Variants in GSTCD observed in about 807,000 individuals in gnomAD.
GSTCD encodes glutathione S-transferase C-terminal domain containing, also known as glutathione S-transferase C-terminal domain-containing protein.
Under a neutral mutation model 68.3 loss-of-function variants are expected in GSTCD, and 44 were observed. That is an observed-to-expected ratio of 0.64 (90% CI 0.51 to 0.83). The LOEUF (loss-of-function observed/expected upper bound fraction) is 0.83. Among genes scored for constraint, GSTCD ranks in the 40% least tolerant of loss-of-function variants. The probability of loss-of-function intolerance (pLI) is 0.00; values close to 1 mark genes in which losing one functional copy is unlikely to be tolerated. For synonymous variants in GSTCD, 273 were observed against 255.2 expected (o/e 1.07, Z -0.67); for missense variants, 739 against 735.9 (o/e 1.00, Z -0.05).
At position 105,846,348 on chromosome 4, in the gene GSTCD, A is replaced by G. The variant is rs919489133; in HGVS notation, c.*771A>G. The G allele has an allele frequency of 6.6e-6, 1 of 151,714 alleles. No homozygotes were observed. Among genetic ancestry groups the G allele is most frequent in the Non-Finnish European group, 1.5e-5 (1 of 68,038 alleles). 9.4% of individuals were successfully genotyped at this position (151,714 alleles called of 1,614,324 possible). On this transcript the variant is annotated 3_prime_UTR_variant, in exon 12 of 12. Transcript: ENST00000515279. ...CCTGGGAAAATGAGACCCAGACTCA[A>G]AATAAATCAATGAATGAATTAATAA...
At chr4:105,743,949 A>G (rs1348821203) in intron 5 of GSTCD, among the ~76,000 whole-genome samples, 2 of 152,168 alleles carry the variant, frequency 1.3e-5, no homozygotes, top group Non-Finnish European at 2.9e-5. Flanking sequence ...GTGAGCCACC[A>G]TGCCTCGCCA....
intron 9 of GSTCD, among the ~76,000 whole-genome samples, chr4:105,835,993 G>A (rs573199683): frequency 1.5e-4 from 23 of 152,152 alleles, no homozygotes; most frequent in African/African-American, 3.9e-4. Flanking sequence ...AAGGAGACCC[G>A]CAGTGGGTAG....
intron 5 of GSTCD, among the ~76,000 whole-genome samples, chr4:105,813,547 C>G (rs1382784086): frequency 1.3e-5 from 2 of 152,192 alleles, no homozygotes; most frequent in Admixed American, 6.5e-5. Flanking sequence ...TCCTTATGTA[C>G]TTGCAAATTT....
chr4:105,756,315 G>A (rs1734187938), intron 5 of GSTCD, among the ~76,000 whole-genome samples: 1 of 151,980 alleles, frequency 6.6e-6, no homozygotes, highest in South Asian at 2.1e-4. Context: ...TCCAGAGAAT[G>A]GGAGCTGAGT....
intron 8 of GSTCD, among the ~76,000 whole-genome samples, chr4:105,829,061 T>A (rs1723787688): frequency 6.6e-6 from 1 of 151,950 alleles, no homozygotes; most frequent in African/African-American, 2.4e-5. Context: ...TCCCTACCCA[T>A]CTGCCTTCTA....
chr4:105,786,956 A>T (rs1193878582), intron 5 of GSTCD, among the ~76,000 whole-genome samples: 2 of 152,078 alleles, frequency 1.3e-5, no homozygotes, highest in Non-Finnish European at 2.9e-5. Context: ...CTTAAACATG[A>T]TAATATGACT....
intron 5 of GSTCD, among the ~76,000 whole-genome samples, chr4:105,745,606 G>A (rs540980865): frequency 2.2e-4 from 34 of 152,180 alleles, no homozygotes; most frequent in Non-Finnish European, 4.6e-4. Flanking sequence ...GAGTATAAAA[G>A]AGGGTTATGT....
At chr4:105,813,993 C>T (rs973267661) in intron 5 of GSTCD, among the ~76,000 whole-genome samples, 2 of 152,092 alleles carry the variant, frequency 1.3e-5, no homozygotes, top group Non-Finnish European at 2.9e-5. Context: ...ATAATAAGTG[C>T]TTTAAAAAAA....
intron 8 of GSTCD, among the ~76,000 whole-genome samples, chr4:105,832,628 T>C (rs1578520907): frequency 6.6e-6 from 1 of 152,272 alleles, no homozygotes; most frequent in East Asian, 1.9e-4. Context: ...GCTGTTTTGT[T>C]GTGGGCAAGT....
chr4:105,770,147 G>T (rs935559097), intron 5 of GSTCD, among the ~76,000 whole-genome samples: 12 of 152,170 alleles, frequency 7.9e-5, no homozygotes, highest in Non-Finnish European at 1.6e-4. Context: ...TTGAAAGTCC[G>T]TTTTGACTTA....
intron 8 of GSTCD, among the ~76,000 whole-genome samples, chr4:105,828,359 C>T (rs1723748573): frequency 6.6e-6 from 1 of 152,086 alleles, no homozygotes; most frequent in African/African-American, 2.4e-5. Flanking sequence ...AATTCAGTAA[C>T]ATTTTTGATG....
At chr4:105,710,074 T>C (rs1732472425) in intron 1 of GSTCD, among the ~76,000 whole-genome samples, 1 of 151,942 alleles carries the variant, frequency 6.6e-6, no homozygotes. Flanking sequence ...CCTGAAAGTA[T>C]CGTTTTGTGA....
intron 5 of GSTCD, chr4:105,746,230 G>T (rs1225031396): frequency 1.3e-5 from 2 of 152,126 alleles, no homozygotes; most frequent in Non-Finnish European, 2.9e-5. Context: ...TTGAGAAAAG[G>T]TGATAAAAAT....
chr4:105,835,248 T>C (rs1724066595), intron 9 of GSTCD, among the ~76,000 whole-genome samples: 1 of 152,128 alleles, frequency 6.6e-6, no homozygotes, highest in African/African-American at 2.4e-5. Context: ...TTGGGCCCAT[T>C]GGGCTCACTC....
intron 5 of GSTCD, among the ~76,000 whole-genome samples, chr4:105,759,652 A>G (rs1734328255): frequency 6.6e-6 from 1 of 152,214 alleles, no homozygotes; most frequent in African/African-American, 2.4e-5. Flanking sequence ...TTGTAGGGAA[A>G]AATAGTATGG....
chr4:105,789,624 A>G (rs1735589377), intron 5 of GSTCD, among the ~76,000 whole-genome samples: 1 of 151,990 alleles, frequency 6.6e-6, no homozygotes, highest in South Asian at 2.1e-4. Flanking sequence ...AAGCAAGCCA[A>G]AGAGGGAATT....
intron 5 of GSTCD, among the ~76,000 whole-genome samples, chr4:105,740,778 G>A (rs1275508347): frequency 6.6e-6 from 1 of 152,070 alleles, no homozygotes; most frequent in African/African-American, 2.4e-5. Flanking sequence ...CCAACATGCT[G>A]GGATGAAGGA....
intron 1 of GSTCD, among the ~76,000 whole-genome samples, chr4:105,716,762 G>C (rs2149203841): frequency 6.6e-6 from 1 of 152,336 alleles, no homozygotes; most frequent in South Asian, 2.1e-4. Flanking sequence ...GGCTGTTTTA[G>C]AGGAATAACA....
intron 5 of GSTCD, among the ~76,000 whole-genome samples, chr4:105,770,975 T>G (rs956785135): frequency 6.6e-6 from 1 of 152,218 alleles, no homozygotes; most frequent in African/African-American, 2.4e-5. Flanking sequence ...TGAACTAATT[T>G]ATACTCCCAT....
Sources: gnomAD v4.1 joint callset for allele counts (sites outside exome capture counted in the v4.1 genomes callset) on GRCh38, gnomAD v4.1.1 for gene constraint, MANE v1.5 for transcripts, NCBI Gene and HGNC (gene_info 2026-07-23, HGNC 2026-07-21) for gene names.